Variants in PLPP3 observed in about 807,000 individuals in gnomAD.
The protein encoded by PLPP3 is phospholipid phosphatase 3.
Under a neutral mutation model 29.6 loss-of-function variants are expected in PLPP3, and 6 were observed. The observed-to-expected ratio is 0.20, with a 90% confidence interval of 0.11 to 0.40. PLPP3 has a LOEUF of 0.40. Among genes scored for constraint, PLPP3 ranks in the 10% least tolerant of loss-of-function variants. The probability of loss-of-function intolerance (pLI) is 1.00; values close to 1 mark genes in which losing one functional copy is unlikely to be tolerated. For missense variants in PLPP3, 308 were observed against 407.7 expected (o/e 0.76, Z 2.11); for synonymous variants, 152 against 159.7 (o/e 0.95, Z 0.36).
intron 2 of PLPP3, among the ~76,000 whole-genome samples, chr1:56,532,717 C>T (rs1433253749): frequency 3.3e-5 from 5 of 152,130 alleles, no homozygotes. Context: ...TTTTGATTTT[C>T]TGCCCCCAGT....
In PLPP3 at chr1:56,496,507, G is replaced by T; in HGVS notation, c.*44C>A. ...GATTGGAGAGCAGCAAGAACTTGCT[G>T]TCAGCAGTCATTTTACAAAAACAGC... On this transcript the variant is annotated 3_prime_UTR_variant, in exon 6 of 6. Coordinates refer to ENST00000371250, the MANE Select transcript of PLPP3 (RefSeq NM_003713.5). 1 of 1,606,252 alleles carries T rather than the reference G, an allele frequency of 6.2e-7. No homozygotes were observed. Among genetic ancestry groups the T allele is most frequent in the Non-Finnish European group, 8.5e-7 (1 of 1,174,074 alleles).
At chr1:56,560,658 C>A (rs186184551) in intron 1 of PLPP3, among the ~76,000 whole-genome samples, 41 of 152,050 alleles carry the variant, frequency 2.7e-4, no homozygotes, top group Middle Eastern at 3.4e-3. Context: ...CCTCTTAAAG[C>A]CCCCCCACCT....
At chr1:56,509,202 A>G (rs1645723632) in intron 5 of PLPP3, among the ~76,000 whole-genome samples, 1 of 152,218 alleles carries the variant, frequency 6.6e-6, no homozygotes, top group South Asian at 2.1e-4. Context: ...AGGCAGGGAA[A>G]GAGATTTATC....
intron 1 of PLPP3, 47 bp downstream of exon 1, chr1:56,578,831 G>A: frequency 6.7e-7 from 1 of 1,487,586 alleles, no homozygotes; most frequent in South Asian, 1.3e-5. Context: ...GACGCGCGCC[G>A]AGGGACGAGG....
rs1646085318 is a variant in PLPP3 at position 56,557,026 on chromosome 1, A to AGAGAGAAAGAAAGAG, written c.140-19915_140-19914insCTCTTTCTTTCTCTC. On this transcript the variant is annotated intron_variant, in intron 1 of 5. Transcript: ENST00000371250. Reference sequence around the variant, plus strand: ...AGAAAGAAAGAGAGAGAGAGAGAGAAAGAGAGAGAGAGAGAGAGAGAGAGA... The same window carrying AGAGAGAAAGAAAGAG: ...AGAAAGAAAGAGAGAGAGAGAGAGAAGAGAGAAAGAAAGAGAGAGAGAGAGAGAGAGAGAGAGAGA... Among the ~76,000 whole-genome samples, 3 of 9,524 alleles carry AGAGAGAAAGAAAGAG rather than the reference A, an allele frequency of 3.1e-4. 1 individual carries two copies. The highest frequency in any genetic ancestry group is 7.5e-4 in the African/African-American group (3 of 4,020). The allele number at this position is 9,524 out of a possible 152,430, so 6.2% of individuals were successfully genotyped here.
At chr1:56,522,557 T>C (rs1645825928) in intron 4 of PLPP3, among the ~76,000 whole-genome samples, 1 of 152,040 alleles carries the variant, frequency 6.6e-6, no homozygotes, top group Non-Finnish European at 1.5e-5. Flanking sequence ...CATGAACACA[T>C]AAAATCCATG....
At chr1:56,505,004 C>A (rs900715339) in intron 5 of PLPP3, among the ~76,000 whole-genome samples, 1 of 152,124 alleles carries the variant, frequency 6.6e-6, no homozygotes, top group African/African-American at 2.4e-5. Context: ...ACAGTAAGGG[C>A]AAGTCTTATT....
At chr1:56,540,281 C>A (rs1417576220) in intron 1 of PLPP3, among the ~76,000 whole-genome samples, 1 of 152,058 alleles carries the variant, frequency 6.6e-6, no homozygotes, top group African/African-American at 2.4e-5. Flanking sequence ...ACAAGGAACA[C>A]AAAGATGACC....
chr1:56,564,472 A>T (rs1646148994), intron 1 of PLPP3, among the ~76,000 whole-genome samples: 1 of 152,230 alleles, frequency 6.6e-6, no homozygotes, highest in Non-Finnish European at 1.5e-5. Flanking sequence ...TGCAAACGTT[A>T]TCATTTGGTA....
At chr1:56,571,066 C>T (rs1166464586) in intron 1 of PLPP3, among the ~76,000 whole-genome samples, 3 of 152,140 alleles carry the variant, frequency 2.0e-5, no homozygotes, top group Non-Finnish European at 2.9e-5. Context: ...CTCCAGGGAA[C>T]TCTCCTCATG....
chr1:56,525,495 T>C (rs1338542577), intron 2 of PLPP3, among the ~76,000 whole-genome samples: 1 of 152,190 alleles, frequency 6.6e-6, no homozygotes, highest in African/African-American at 2.4e-5. Flanking sequence ...ATTGCTTTTA[T>C]ATTCTTTATG....
intron 5 of PLPP3, among the ~76,000 whole-genome samples, chr1:56,506,758 G>A (rs1285195494): frequency 6.6e-6 from 1 of 152,128 alleles, no homozygotes; most frequent in Non-Finnish European, 1.5e-5. Flanking sequence ...AACTTAGTGA[G>A]TGTGTAGGCG....
chr1:56,503,538 A>C (rs1410991915), intron 5 of PLPP3, among the ~76,000 whole-genome samples: 2 of 152,060 alleles, frequency 1.3e-5, no homozygotes, highest in African/African-American at 4.8e-5. Flanking sequence ...AAAATACAAA[A>C]ATTAGCTGGG....
chr1:56,510,078 G>A lies in PLPP3; in HGVS notation c.810+1898C>T, dbSNP rs574076928. Among the ~76,000 whole-genome samples, 3 of 152,254 alleles carry A rather than the reference G, an allele frequency of 2.0e-5. No homozygotes were observed. In the South Asian group the frequency reaches 6.2e-4, roughly 31 times the overall value. Reference sequence around the variant, plus strand: ...TATAAAAGAGAGGAAGGCTAGTAAGGATCCCCCAACCTTTTAATTTTTTTA... The same window carrying A: ...TATAAAAGAGAGGAAGGCTAGTAAGAATCCCCCAACCTTTTAATTTTTTTA... On this transcript the variant is annotated intron_variant, in intron 5 of 5. Transcript: ENST00000371250.
intron 5 of PLPP3, among the ~76,000 whole-genome samples, chr1:56,505,102 C>G (rs1002793294): frequency 1.3e-5 from 2 of 152,206 alleles, no homozygotes; most frequent in Non-Finnish European, 2.9e-5. Context: ...GCGGTCAAGT[C>G]TTGGAAAGCT....
At chr1:56,497,249 C>G (rs572362111) in intron 5 of PLPP3, among the ~76,000 whole-genome samples, 2 of 152,192 alleles carry the variant, frequency 1.3e-5, no homozygotes, top group Non-Finnish European at 1.5e-5. Context: ...CGTGGAGGAA[C>G]GGTTAATGAC....
chr1:56,498,340 G>T (rs1463171334), intron 5 of PLPP3, among the ~76,000 whole-genome samples: 1 of 152,096 alleles, frequency 6.6e-6, no homozygotes, highest in Admixed American at 6.5e-5. Context: ...CTTTGTAGTT[G>T]GTTTGGGAAA....
At chr1:56,501,956 ACACT>A (rs1318297470) in intron 5 of PLPP3, among the ~76,000 whole-genome samples, 2 of 152,220 alleles carry the variant, frequency 1.3e-5, no homozygotes, top group Non-Finnish European at 2.9e-5. Flanking sequence ...AAGAGTTGGC[ACACT>A]CAAAGAGGAA....
chr1:56,578,367 C>A (rs1440329379), intron 1 of PLPP3, among the ~76,000 whole-genome samples: 1 of 152,188 alleles, frequency 6.6e-6, no homozygotes, highest in African/African-American at 2.4e-5. Flanking sequence ...AGTGAAAAGG[C>A]CGGCTAGCCA....
Sources: allele counts gnomAD v4.1 joint callset (sites outside exome capture counted in the v4.1 genomes callset), GRCh38; gene constraint gnomAD v4.1.1; transcripts MANE v1.5; gene names NCBI Gene and HGNC (gene_info 2026-07-23, HGNC 2026-07-21).